The following MGMT variants were observed in gnomAD, a reference collection of about 807,000 sequenced individuals.
The protein encoded by MGMT is O-6-methylguanine-DNA methyltransferase.
A neutral mutation model predicts 15.9 loss-of-function variants in MGMT; 14 were observed. That is an observed-to-expected ratio of 0.88 (90% confidence interval 0.58 to 1.37). MGMT has a LOEUF of 1.37. Ranked by LOEUF, MGMT falls within the 40% of genes most tolerant of loss-of-function variation. The probability of loss-of-function intolerance (pLI) is 0.00; values close to 1 mark genes in which losing one functional copy is unlikely to be tolerated. For synonymous variants in MGMT, 130 were observed against 118.2 expected, an observed-to-expected ratio of 1.10 and a Z score of -0.65; for missense variants, 282 against 268.1, an observed-to-expected ratio of 1.05 and a Z score of -0.36.
chr10:129,532,517 C>T lies in MGMT; in HGVS notation c.-12-3724C>T, dbSNP rs542348077. 9.2e-5 allele frequency among the ~76,000 whole-genome samples: 14 copies of T among 152,282 alleles called. No homozygotes were observed. Among genetic ancestry groups the T allele is most frequent in the African/African-American group, 3.4e-4 (14 of 41,572 alleles). On this transcript the variant is annotated intron_variant, in intron 1 of 4. Coordinates refer to ENST00000651593, the MANE Select transcript of MGMT (RefSeq NM_002412.5). This position sits in a 1 kb window ranked among gnomAD's most constrained non-coding sequence, Gnocchi z 5.3. ...TGGCCCTCCACCGCCCTGCTCCTTC[C>T]TCCGGGTGGGGGACACCCCATCCCC...
chr10:129,652,298 C>T (rs1589916292), intron 2 of MGMT, among the ~76,000 whole-genome samples: 2 of 152,204 alleles, frequency 1.3e-5, no homozygotes, highest in Non-Finnish European at 2.9e-5. Context: ...CAGCAGCCCC[C>T]GAGCGGAGAC....
At chr10:129,562,204 TTCTGAACCC>T (rs1440218253) in intron 2 of MGMT, among the ~76,000 whole-genome samples, 2 of 152,034 alleles carry the variant, frequency 1.3e-5, no homozygotes, top group Non-Finnish European at 2.9e-5. Flanking sequence ...CACCATTCCC[TTCTGAACCC>T]TATAGCTTAA....
chr10:129,731,324 C>T (rs1848494520), intron 3 of MGMT, among the ~76,000 whole-genome samples: 1 of 150,294 alleles, frequency 6.7e-6, no homozygotes, highest in Admixed American at 6.6e-5. Flanking sequence ...CTATATTGTG[C>T]ACATTTGCCA....
At chr10:129,611,292 A>G (rs1055141732) in intron 2 of MGMT, among the ~76,000 whole-genome samples, 1 of 152,204 alleles carries the variant, frequency 6.6e-6, no homozygotes, top group African/African-American at 2.4e-5. Flanking sequence ...GAAACTTACA[A>G]TCATGGCCGA....
At chr10:129,562,105 A>G (rs1309618393) in intron 2 of MGMT, among the ~76,000 whole-genome samples, 1 of 152,206 alleles carries the variant, frequency 6.6e-6, no homozygotes, top group African/African-American at 2.4e-5. Flanking sequence ...TCAGAATGGC[A>G]TGGGTGAATA....
At chr10:129,595,241 C>T (rs141541723) in intron 2 of MGMT, among the ~76,000 whole-genome samples, 25 of 152,322 alleles carry the variant, frequency 1.6e-4, no homozygotes, top group Non-Finnish European at 2.4e-4. Context: ...TTTGAGGAGA[C>T]GGACACGCTT....
chr10:129,760,499 A>C (rs368809839), intron 4 of MGMT, among the ~76,000 whole-genome samples: 1 of 152,186 alleles, frequency 6.6e-6, no homozygotes, highest in East Asian at 1.9e-4. Flanking sequence ...TTTTTGAAAA[A>C]TTGCTGTGGC....
chr10:129,746,211 C>G (rs1290260894), intron 3 of MGMT, among the ~76,000 whole-genome samples: 1 of 148,114 alleles, frequency 6.8e-6, no homozygotes, highest in East Asian at 2.0e-4. Context: ...TTTGCTCCAG[C>G]CTAGGGGACA....
intron 3 of MGMT, among the ~76,000 whole-genome samples, chr10:129,727,919 G>A (rs965357578): frequency 6.6e-6 from 1 of 152,224 alleles, no homozygotes; most frequent in Non-Finnish European, 1.5e-5. Context: ...AAACAACATA[G>A]ACTGAGGCTG....
At chr10:129,663,885 T>G (rs1171426871) in intron 2 of MGMT, among the ~76,000 whole-genome samples, 2 of 152,210 alleles carry the variant, frequency 1.3e-5, no homozygotes, top group African/African-American at 4.8e-5. Context: ...AGTAAATCTT[T>G]TGTGTAGATG....
chr10:129,667,759 C>A (rs558244237), intron 2 of MGMT, among the ~76,000 whole-genome samples: 1 of 152,202 alleles, frequency 6.6e-6, no homozygotes, highest in Non-Finnish European at 1.5e-5. Context: ...CACTCGGGTG[C>A]CCGTTTGGTA....
chr10:129,526,636 G>T (rs1230983790), intron 1 of MGMT, among the ~76,000 whole-genome samples: 1 of 152,188 alleles, frequency 6.6e-6, no homozygotes, highest in Non-Finnish European at 1.5e-5. Flanking sequence ...TCGGACCGCA[G>T]GTGCACGTCA....
intron 2 of MGMT, among the ~76,000 whole-genome samples, chr10:129,633,924 C>T (rs1229123182): frequency 1.3e-5 from 2 of 152,166 alleles, no homozygotes; most frequent in African/African-American, 4.8e-5. Flanking sequence ...TTAATGCAGC[C>T]GTGTTCCAAT....
At chr10:129,740,439 T>G (rs947867218) in intron 3 of MGMT, among the ~76,000 whole-genome samples, 5 of 152,060 alleles carry the variant, frequency 3.3e-5, no homozygotes, top group African/African-American at 4.8e-5. Flanking sequence ...TACCATGTAG[T>G]TAAGAATGCC....
chr10:129,748,529 G>A (rs1235210997), intron 3 of MGMT, among the ~76,000 whole-genome samples: 2 of 152,158 alleles, frequency 1.3e-5, no homozygotes, highest in South Asian at 4.1e-4. Flanking sequence ...AGTTCTTGAA[G>A]GAGTCTTGTG....
intron 2 of MGMT, among the ~76,000 whole-genome samples, chr10:129,599,544 A>G (rs574380680): frequency 6.6e-6 from 1 of 152,284 alleles, no homozygotes; most frequent in East Asian, 1.9e-4. Flanking sequence ...CTAGTCACCT[A>G]ATATTCTAAG....
intron 1 of MGMT, among the ~76,000 whole-genome samples, chr10:129,488,687 C>T (rs1185399122): frequency 6.6e-6 from 1 of 152,154 alleles, no homozygotes; most frequent in African/African-American, 2.4e-5. Flanking sequence ...ATGAAAGTAT[C>T]AGTTTTCCTT....
rs544811575 is a variant in MGMT, at chr10:129,694,946, C to T, written c.126-12949C>T. ...AATCTACTTCTTGCAAATATTAGTA[C>T]TCTGGAAAAAAGATTTATTTTAATA... On this transcript the variant is annotated intron_variant, in intron 2 of 4. Transcript: ENST00000651593. Among the ~76,000 whole-genome samples, 11 of 152,262 alleles carry T rather than the reference C, an allele frequency of 7.2e-5. No homozygotes were observed. In the East Asian group the frequency reaches 2.1e-3, roughly 29 times the overall value.
intron 2 of MGMT, chr10:129,700,062 A>C (rs1052660380): frequency 6.6e-6 from 1 of 152,168 alleles, no homozygotes; most frequent in Non-Finnish European, 1.5e-5. Flanking sequence ...AGTTGAACAC[A>C]TCTTGTTCTT....
Sources: gnomAD v4.1 joint callset for allele counts (sites outside exome capture counted in the v4.1 genomes callset) on GRCh38, gnomAD v4.1.1 for gene constraint, Gnocchi (gnomAD v3.1) non-coding constraint, MANE v1.5 for transcripts, NCBI Gene and HGNC (gene_info 2026-07-23, HGNC 2026-07-21) for gene names.